GRIN2B: variants seen among roughly 807,000 people sequenced by gnomAD.
The protein encoded by GRIN2B is glutamate ionotropic receptor NMDA type subunit 2B.
In GRIN2B, 5 loss-of-function variants were observed where a neutral mutation model predicts 114.5. That is an observed-to-expected ratio of 0.04 (90% CI 0.02 to 0.09). GRIN2B has a LOEUF of 0.09. Among genes scored for constraint, GRIN2B ranks in the 10% least tolerant of loss-of-function variants. The pLI, the probability that GRIN2B is intolerant of heterozygous loss-of-function variation, is 1.00. For synonymous variants in GRIN2B, 787 were observed against 745.1 expected (o/e 1.06, Z -0.92); for missense variants, 1,108 against 1,943.5 (o/e 0.57, Z 8.08).
At chr12:13,626,544 G>A (rs1247530997) in intron 5 of GRIN2B, among the ~76,000 whole-genome samples, 1 of 152,224 alleles carries the variant, frequency 6.6e-6, no homozygotes, top group South Asian at 2.1e-4. Context: ...GCACTGACTT[G>A]GCAAGGTCTT....
At chr12:13,807,346 C>T (rs984294808) in intron 3 of GRIN2B, among the ~76,000 whole-genome samples, 2 of 152,106 alleles carry the variant, frequency 1.3e-5, no homozygotes, top group Non-Finnish European at 2.9e-5. Flanking sequence ...AAGTCCTTCA[C>T]ACCACTTCAT....
rs187133534 is a variant in GRIN2B, at chr12:13,702,592, C to T, written c.1011-26733G>A. Among the ~76,000 whole-genome samples the T allele has an allele frequency of 7.5e-5, 10 of 133,234 alleles. No individual in the cohort carries two copies. In the East Asian group the frequency reaches 4.8e-3, roughly 64 times the overall value. 87.4% of individuals were successfully genotyped at this position (133,234 alleles called of 152,430 possible). On this transcript the variant is annotated intron_variant, in intron 4 of 13. Transcript: ENST00000609686. The stretch of plus-strand genomic sequence containing the variant: ...AACACAAGAATAGATTCCATTAATC[C>T]GCCCTCCGGGGGGTCCATACACAAT...
intron 5 of GRIN2B, among the ~76,000 whole-genome samples, chr12:13,662,167 A>G (rs1949930524): frequency 6.6e-6 from 1 of 152,200 alleles, no homozygotes; most frequent in Non-Finnish European, 1.5e-5. Context: ...TAAATATTGT[A>G]ATGTTCATAG....
At position 13,753,288 on chromosome 12, in the gene GRIN2B, C is replaced by T. The variant is rs779155061; in HGVS notation, c.1010+29G>A. ...TTTGAAGCTCCCCTCTCATCTCCACCATCAATGTGCCCTCTGTTCCACACT... is the reference window on the plus strand; with the variant it reads ...TTTGAAGCTCCCCTCTCATCTCCACTATCAATGTGCCCTCTGTTCCACACT... On this transcript the variant is annotated intron_variant, in intron 4 of 13. Transcript: ENST00000609686. This position sits in a 1 kb window ranked among gnomAD's most constrained non-coding sequence, Gnocchi z 6.2. 2.5e-5 allele frequency: 31 copies of T among 1,252,342 alleles called. No homozygotes were observed. In the South Asian group the frequency reaches 3.4e-4, roughly 14 times the overall value. The allele number at this position is 1,252,342 out of a possible 1,614,324, so 77.6% of individuals were successfully genotyped here.
intron 2 of GRIN2B, among the ~76,000 whole-genome samples, chr12:13,928,121 G>A (rs1433032013): frequency 6.6e-6 from 1 of 151,814 alleles, no homozygotes; most frequent in Non-Finnish European, 1.5e-5. Flanking sequence ...GACCAGCCTG[G>A]CCAACATGGT....
At chr12:13,956,479 C>G (rs1160377547) in intron 2 of GRIN2B, among the ~76,000 whole-genome samples, 1 of 152,190 alleles carries the variant, frequency 6.6e-6, no homozygotes, top group African/African-American at 2.4e-5. Context: ...AACTCTTTCT[C>G]TCTGTCACAG....
intron 9 of GRIN2B, among the ~76,000 whole-genome samples, chr12:13,610,615 G>C (rs746853341): frequency 1.3e-5 from 2 of 152,140 alleles, no homozygotes; most frequent in Non-Finnish European, 2.9e-5. Flanking sequence ...GTCTGCACTT[G>C]GAAATACTTC....
intron 3 of GRIN2B, among the ~76,000 whole-genome samples, chr12:13,780,538 T>C (rs568150105): frequency 7.4e-4 from 112 of 152,290 alleles, no homozygotes; most frequent in African/African-American, 2.7e-3. Flanking sequence ...TCTTGTAGAT[T>C]CCAAAAGAAA....
chr12:13,736,526 C>T (rs1410881464), intron 4 of GRIN2B, among the ~76,000 whole-genome samples: 4 of 152,122 alleles, frequency 2.6e-5, no homozygotes, highest in African/African-American at 4.8e-5. Context: ...CCATCCTTAA[C>T]CTCAAATGCA....
At chr12:13,570,316 A>T in intron 11 of GRIN2B, among the ~76,000 whole-genome samples, 1 of 152,352 alleles carries the variant, frequency 6.6e-6, no homozygotes, top group South Asian at 2.1e-4. Flanking sequence ...AGGGATCAAT[A>T]AAAATAATAA....
At chr12:13,897,280 A>G (rs1048136975) in intron 2 of GRIN2B, among the ~76,000 whole-genome samples, 1 of 152,134 alleles carries the variant, frequency 6.6e-6, no homozygotes, top group Admixed American at 6.5e-5. Context: ...GCCCCACTGC[A>G]GCACCTGTCC....
chr12:13,768,630 T>C (rs929178791), intron 3 of GRIN2B, among the ~76,000 whole-genome samples: 6 of 152,246 alleles, frequency 3.9e-5, no homozygotes, highest in Non-Finnish European at 5.9e-5. Flanking sequence ...TTTCCAACTC[T>C]AGGCACAAAT....
intron 5 of GRIN2B, among the ~76,000 whole-genome samples, chr12:13,625,973 T>A (rs1247014321): frequency 6.6e-6 from 1 of 152,166 alleles, no homozygotes; most frequent in East Asian, 1.9e-4. Flanking sequence ...GTGGAAAGAT[T>A]CAACAGGATT....
intron 2 of GRIN2B, 41 bp from the exon 3 acceptor site, chr12:13,866,267 A>T: frequency 1.3e-6 from 2 of 1,554,986 alleles, no homozygotes; most frequent in Middle Eastern, 1.7e-4. Context: ...TAGGATCTAC[A>T]TCACGTAACC....
intron 2 of GRIN2B, among the ~76,000 whole-genome samples, chr12:13,948,663 C>T (rs1477159825): frequency 6.6e-6 from 1 of 152,122 alleles, no homozygotes; most frequent in African/African-American, 2.4e-5. Context: ...AACGGTACCT[C>T]TAATTACAAA....
intron 2 of GRIN2B, among the ~76,000 whole-genome samples, chr12:13,915,271 T>C (rs1866695702): frequency 6.6e-6 from 1 of 152,216 alleles, no homozygotes; most frequent in Non-Finnish European, 1.5e-5. Flanking sequence ...ACATAGTTCC[T>C]GGCATACGTT....
At chr12:13,710,741 G>T (rs187978541) in intron 4 of GRIN2B, among the ~76,000 whole-genome samples, 1 of 152,212 alleles carries the variant, frequency 6.6e-6, no homozygotes, top group East Asian at 1.9e-4. Flanking sequence ...ACAAACAAAT[G>T]GAAGAACATT....
chr12:13,805,692 G>A (rs1280845088), intron 3 of GRIN2B, among the ~76,000 whole-genome samples: 2 of 152,072 alleles, frequency 1.3e-5, no homozygotes, highest in African/African-American at 4.8e-5. Flanking sequence ...TCTAAATCAA[G>A]CTAATTGACA....
At chr12:13,674,922 T>A (rs994345099) in intron 5 of GRIN2B, among the ~76,000 whole-genome samples, 1 of 152,132 alleles carries the variant, frequency 6.6e-6, no homozygotes, top group African/African-American at 2.4e-5. Flanking sequence ...ACCTTATGTA[T>A]CTGTAAAGCT....
Sources: allele counts gnomAD v4.1 joint callset (sites outside exome capture counted in the v4.1 genomes callset), GRCh38; gene constraint gnomAD v4.1.1; non-coding constraint Gnocchi (gnomAD v3.1); transcripts MANE v1.5; gene names NCBI Gene and HGNC (gene_info 2026-07-23, HGNC 2026-07-21).